The following DNAH3 variants were observed in gnomAD, a reference collection of about 807,000 sequenced individuals.
DNAH3 encodes the protein dynein axonemal heavy chain 3, also known as axonemal beta dynein heavy chain 3.
Under a neutral mutation model 432.5 loss-of-function variants are expected in DNAH3, and 332 were observed. That is an observed-to-expected ratio of 0.77 (90% CI 0.70 to 0.84). The LOEUF is 0.84. Ranked by LOEUF, DNAH3 falls within the 40% of genes least tolerant of loss-of-function variation. The probability of loss-of-function intolerance (pLI) is 0.00; values close to 1 mark genes in which losing one functional copy is unlikely to be tolerated. For missense variants in DNAH3, 4,861 were observed against 5,114.0 expected, an observed-to-expected ratio of 0.95 and a Z score of 1.51; for synonymous variants, 1,956 against 1,900.2, an observed-to-expected ratio of 1.03 and a Z score of -0.76.
rs558092853 is a variant in DNAH3, at chr16:21,145,411, G to A, written c.223-5C>T. On this transcript the variant is annotated splice_polypyrimidine_tract_variant and splice_region_variant and intron_variant, in intron 2 of 61. Transcript: ENST00000261383. ...AAAGCTGTGTGACATGACAGTCTAC[G>A]AGGTAAGAAGTGCAGAGTGAGACAC... The A allele has an allele frequency of 1.6e-5, 26 of 1,611,478 alleles. No individual in the cohort carries two copies. The highest frequency in any genetic ancestry group is 3.3e-5 in the South Asian group (3 of 90,984).
chr16:21,051,901 A>C, intron 28 of DNAH3, 33 bp from the exon 29 acceptor site: 1 of 1,588,164 alleles, frequency 6.3e-7, no homozygotes, highest in Non-Finnish European at 8.6e-7. Flanking sequence ...ACACGCACAC[A>C]GAGCCATCAG....
At chr16:20,945,618 G>A (rs2084011091) in intron 57 of DNAH3, among the ~76,000 whole-genome samples, 1 of 151,890 alleles carries the variant, frequency 6.6e-6, no homozygotes, top group South Asian at 2.1e-4. Flanking sequence ...AGCCTCCCTA[G>A]TAGCTGGGAT....
At chr16:21,019,814 A>T in exon 41 of DNAH3, 1 of 1,614,132 alleles carries the variant, frequency 6.2e-7, no homozygotes. Context: ...AGATCTGTTG[A>T]CTTGACAGGC....
chr16:21,026,808 C>T (rs1457892425), intron 38 of DNAH3, among the ~76,000 whole-genome samples: 1 of 150,300 alleles, frequency 6.7e-6, no homozygotes, highest in Non-Finnish European at 1.5e-5. Context: ...GGTGACTAAA[C>T]AATCTGTACC....
At chr16:21,120,352 G>A (rs193111444) in intron 11 of DNAH3, among the ~76,000 whole-genome samples, 57 of 152,052 alleles carry the variant, frequency 3.7e-4, no homozygotes, top group African/African-American at 1.3e-3. Context: ...CCTGCTTCTC[G>A]ACCTCCCAAA....
Position 20,948,419 on chromosome 16 carries a change from T to A in DNAH3, c.11343+64A>T, listed in dbSNP as rs903218469. ...GATCCCTGGCTACACTGCAGCCCTG[T>A]AGCCATATAGAGATGACGGAGCCCT... is the stretch of plus-strand genomic sequence containing the variant. On this transcript the variant is annotated intron_variant, in intron 57 of 61. Coordinates refer to ENST00000261383, the Ensembl canonical transcript of DNAH3. 3 of 1,545,128 alleles carry A rather than the reference T, an allele frequency of 1.9e-6. No homozygotes were observed. The East Asian group carries it at 6.9e-5, about 36-fold the overall frequency.
intron 18 of DNAH3, among the ~76,000 whole-genome samples, chr16:21,089,347 T>C (rs139319712): frequency 7.8e-4 from 119 of 152,356 alleles, no homozygotes; most frequent in African/African-American, 2.7e-3. Flanking sequence ...CTGCCAAAGC[T>C]GACTTTTAAC....
Position 21,098,583 on chromosome 16 carries a change from AG to A in DNAH3, c.2520+32del. The A allele has an allele frequency of 1.9e-6, 3 of 1,594,672 alleles. No homozygotes were observed. In the South Asian group the frequency reaches 3.5e-5, roughly 18 times the overall value. On this transcript the variant is annotated intron_variant, in intron 17 of 61. Coordinates refer to ENST00000261383, the Ensembl canonical transcript of DNAH3. The stretch of plus-strand genomic sequence containing the variant: ...AGGATCAGAACCAATAGACCAGTAC[AG>A]TGTCATAAGTCCCCATCTCAAGATC...
exon 25 of DNAH3, chr16:21,062,559 G>C: frequency 6.2e-7 from 1 of 1,614,174 alleles, no homozygotes. Context: ...ACAATTTCCA[G>C]ATTGTCTGTA....
At chr16:21,139,092 T>A (rs985894905) in intron 5 of DNAH3, among the ~76,000 whole-genome samples, 4 of 152,162 alleles carry the variant, frequency 2.6e-5, no homozygotes, top group African/African-American at 9.7e-5. Context: ...CTCTAAAGTT[T>A]TATTGTTCTT....
chr16:21,062,441 T>G, intron 25 of DNAH3, 41 bp downstream of exon 25: 1 of 1,555,818 alleles, frequency 6.4e-7, no homozygotes, highest in Non-Finnish European at 8.9e-7. Flanking sequence ...TGATTTACTC[T>G]GTTATGGAGA....
chr16:20,994,886 C>G (rs2086699418), intron 44 of DNAH3, among the ~76,000 whole-genome samples: 1 of 151,800 alleles, frequency 6.6e-6, no homozygotes, highest in Non-Finnish European at 1.5e-5. Flanking sequence ...TTTTTTCCTA[C>G]AGCATTATTT....
intron 18 of DNAH3, among the ~76,000 whole-genome samples, chr16:21,094,819 GT>G (rs904662813): frequency 6.6e-6 from 1 of 152,072 alleles, no homozygotes; most frequent in Admixed American, 6.6e-5. Flanking sequence ...ATGGGGTCGA[GT>G]TTTCCCATGC....
intron 1 of DNAH3, among the ~76,000 whole-genome samples, chr16:21,157,915 T>TGGGG (rs145116590): frequency 2.7e-5 from 4 of 146,442 alleles, no homozygotes; most frequent in African/African-American, 7.6e-5. Flanking sequence ...CAACTGGAGG[T>TGGGG]GGGGGGGGGC....
chr16:21,081,652 C>G, exon 20 of DNAH3: 1 of 1,613,466 alleles, frequency 6.2e-7, no homozygotes, highest in Non-Finnish European at 8.5e-7. Context: ...ACGAATTTGC[C>G]GAATCCAAAT....
At chr16:20,958,913 G>GTAATCC (rs1179021648) in intron 54 of DNAH3, among the ~76,000 whole-genome samples, 2 of 152,092 alleles carry the variant, frequency 1.3e-5, no homozygotes, top group Non-Finnish European at 2.9e-5. Context: ...GATTACAGGT[G>GTAATCC]TGCGCCACTA....
intron 44 of DNAH3, 117 bp from the exon 45 acceptor site, chr16:20,988,182 G>T: frequency 7.3e-7 from 1 of 1,365,176 alleles, no homozygotes; most frequent in Non-Finnish European, 1.0e-6. Context: ...CCAGAGCTGT[G>T]CTGTGCAATA....
intron 38 of DNAH3, among the ~76,000 whole-genome samples, chr16:21,025,391 A>AC (rs1441515034): frequency 1.4e-5 from 2 of 148,076 alleles, no homozygotes; most frequent in African/African-American, 4.9e-5. Flanking sequence ...TATATATATT[A>AC]TTATATATTA....
intron 6 of DNAH3, among the ~76,000 whole-genome samples, chr16:21,135,697 A>G (rs1282336207): frequency 6.6e-6 from 1 of 151,852 alleles, no homozygotes; most frequent in Non-Finnish European, 1.5e-5. Flanking sequence ...ACTGCACTTC[A>G]GCCTGGGCGA....
Sources: gnomAD v4.1 joint callset for allele counts (sites outside exome capture counted in the v4.1 genomes callset) on GRCh38, gnomAD v4.1.1 for gene constraint, MANE v1.5 for transcripts, NCBI Gene and HGNC (gene_info 2026-07-23, HGNC 2026-07-21) for gene names.